Variants in PROS1 observed in about 807,000 individuals in gnomAD.
The protein encoded by PROS1 is protein S, also known as vitamin K-dependent protein S.
Under a neutral mutation model 75.9 loss-of-function variants are expected in PROS1, and 29 were observed. The observed-to-expected ratio is 0.38, with a 90% confidence interval of 0.28 to 0.52. PROS1 has a LOEUF of 0.52. PROS1 is among the 20% of genes least tolerant of loss of function. PROS1 has a pLI of 0.83. For missense variants in PROS1, 680 were observed against 810.3 expected (o/e 0.84, Z 1.95); for synonymous variants, 245 against 280.6 (o/e 0.87, Z 1.27).
chr3:93,921,296 C>T (rs1010678406), intron 3 of PROS1, among the ~76,000 whole-genome samples: 2 of 152,136 alleles, frequency 1.3e-5, no homozygotes, highest in African/African-American at 4.8e-5. Flanking sequence ...AGAATTAATT[C>T]AAAATCAAAA....
At chr3:93,968,027 TA>T (rs2107270148) in intron 1 of PROS1, 1 of 152,074 alleles carries the variant, frequency 6.6e-6, no homozygotes, top group East Asian at 1.9e-4. Context: ...TAAAATAAAA[TA>T]AAATACAGCA....
chr3:93,880,967 T>C (rs1253299925), intron 12 of PROS1, among the ~76,000 whole-genome samples: 1 of 152,156 alleles, frequency 6.6e-6, no homozygotes, highest in African/African-American at 2.4e-5. Flanking sequence ...AGAACAGAAC[T>C]AGGCATTGTA....
At chr3:93,877,456 A>T (rs1342027140) in intron 13 of PROS1, among the ~76,000 whole-genome samples, 1 of 152,228 alleles carries the variant, frequency 6.6e-6, no homozygotes, top group African/African-American at 2.4e-5. Context: ...AAAATTCCGT[A>T]AAACAACCGG....
In PROS1 at chr3:93,886,344, T is replaced by C; in HGVS notation, c.1315A>G (p.Ile439Val). 6.2e-7 allele frequency: 1 copy of C among 1,613,556 alleles called. No homozygotes were observed. Among genetic ancestry groups the C allele is most frequent in the Non-Finnish European group, 8.5e-7 (1 of 1,179,590 alleles). The change falls in exon 11 of 15, where the codon ATT (isoleucine) becomes GTT (valine). Residue 439 changes from isoleucine to valine, a missense_variant. Physicochemically the swap from Ile to Val is conservative, Grantham distance 29. Coordinates refer to ENST00000394236, the MANE Select transcript of PROS1 (RefSeq NM_000313.4). ...CAAGCTTGGATCATTACCGGTTTAA[T>C]GAGTTCACTTTCCACTTTCCGAGGG... ...GFPRKVESELIKPINPRLDGC... is the reference protein window; with the variant it reads ...GFPRKVESELVKPINPRLDGC...
intron 11 of PROS1, among the ~76,000 whole-genome samples, chr3:93,885,178 T>C (rs1237030893): frequency 2.6e-5 from 4 of 152,194 alleles, no homozygotes; most frequent in Non-Finnish European, 5.9e-5. Context: ...GTAACTTTTC[T>C]GCTTTCAAGT....
chr3:93,939,142 C>G (rs1019934687), intron 1 of PROS1, among the ~76,000 whole-genome samples: 1 of 152,184 alleles, frequency 6.6e-6, no homozygotes, highest in Non-Finnish European at 1.5e-5. Flanking sequence ...GACCCCAATA[C>G]AAACTCGACA....
chr3:93,904,143 A>T (rs1437044459), intron 6 of PROS1, among the ~76,000 whole-genome samples: 1 of 151,894 alleles, frequency 6.6e-6, no homozygotes, highest in African/African-American at 2.4e-5. Flanking sequence ...AAGGACATGA[A>T]CTCATCATTT....
chr3:93,905,062 G>T (rs1201621700), intron 6 of PROS1, among the ~76,000 whole-genome samples: 4 of 152,144 alleles, frequency 2.6e-5, no homozygotes, highest in African/African-American at 7.2e-5. Flanking sequence ...AAGTATTTCT[G>T]AAAAGGAAAA....
intron 1 of PROS1, among the ~76,000 whole-genome samples, chr3:93,934,634 T>C (rs944240888): frequency 2.6e-5 from 4 of 152,176 alleles, no homozygotes; most frequent in African/African-American, 7.2e-5. Context: ...GAGATAGGTG[T>C]GGATAAAGAT....
chr3:93,918,189 A>G (rs1406500151), intron 3 of PROS1, among the ~76,000 whole-genome samples: 7 of 152,072 alleles, frequency 4.6e-5, no homozygotes, highest in East Asian at 1.9e-4. Flanking sequence ...GAATACACCA[A>G]TTGACACTCT....
At chr3:93,952,654 G>T (rs1464388085) in intron 1 of PROS1, among the ~76,000 whole-genome samples, 2 of 152,124 alleles carry the variant, frequency 1.3e-5, no homozygotes, top group East Asian at 1.9e-4. Flanking sequence ...CACCCTAACA[G>T]CACAACTAAA....
chr3:93,884,582 A>T, intron 12 of PROS1, 146 bp downstream of exon 12: 3 of 908,996 alleles, frequency 3.3e-6, no homozygotes, highest in Non-Finnish European at 4.9e-6. Context: ...TTTTTGTAAA[A>T]GGTATATAAT....
intron 1 of PROS1, among the ~76,000 whole-genome samples, chr3:93,932,586 A>G (rs983686525): frequency 6.6e-6 from 1 of 152,218 alleles, no homozygotes; most frequent in Non-Finnish European, 1.5e-5. Flanking sequence ...ATAATGACCA[A>G]AGCAGGTGGA....
At chr3:93,927,997 A>ATATG (rs1235602748) in intron 1 of PROS1, among the ~76,000 whole-genome samples, 2 of 18,570 alleles carry the variant, frequency 1.1e-4, no homozygotes, top group South Asian at 2.7e-3. Context: ...GTGTGTGTAT[A>ATATG]TATATATATA....
intron 10 of PROS1, among the ~76,000 whole-genome samples, chr3:93,889,336 C>A (rs1708395186): frequency 6.6e-6 from 1 of 152,018 alleles, no homozygotes; most frequent in Admixed American, 6.6e-5. Context: ...GCTGTTGTAT[C>A]TTTACCACCT....
At chr3:93,895,144 T>G (rs905190866) in intron 9 of PROS1, among the ~76,000 whole-genome samples, 2 of 152,204 alleles carry the variant, frequency 1.3e-5, no homozygotes, top group Non-Finnish European at 1.5e-5. Flanking sequence ...TGTATGTAAA[T>G]AGTTGTCATA....
chr3:93,945,771 C>A (rs1331770503), intron 1 of PROS1, among the ~76,000 whole-genome samples: 2 of 152,152 alleles, frequency 1.3e-5, no homozygotes, highest in African/African-American at 2.4e-5. Flanking sequence ...CCCTCTCTCA[C>A]CACTCCTATT....
At chr3:93,879,815 T>C (rs1708249644) in intron 12 of PROS1, among the ~76,000 whole-genome samples, 1 of 152,220 alleles carries the variant, frequency 6.6e-6, no homozygotes, top group African/African-American at 2.4e-5. Flanking sequence ...GCAGTTAGTT[T>C]TGAAATCAGA....
intron 1 of PROS1, among the ~76,000 whole-genome samples, chr3:93,965,473 G>T (rs1414969475): frequency 6.6e-6 from 1 of 152,052 alleles, no homozygotes; most frequent in South Asian, 2.1e-4. Context: ...TGGGTTCTAC[G>T]GTTCTCTTCT....
Sources: allele counts gnomAD v4.1 joint callset (sites outside exome capture counted in the v4.1 genomes callset), GRCh38; gene constraint gnomAD v4.1.1; transcripts MANE v1.5; gene names NCBI Gene and HGNC (gene_info 2026-07-23, HGNC 2026-07-21).